The following SLC9A8 variants were observed in gnomAD, a reference collection of about 807,000 sequenced individuals.
The protein encoded by SLC9A8 is sodium/hydrogen exchanger 8.
A neutral mutation model predicts 66.6 loss-of-function variants in SLC9A8; 48 were observed. That is an observed-to-expected ratio of 0.72 (90% CI 0.57 to 0.92). The LOEUF is 0.92. Ranked by LOEUF, SLC9A8 falls within the 40% of genes least tolerant of loss-of-function variation. The probability of loss-of-function intolerance (pLI) is 0.00; values close to 1 mark genes in which losing one functional copy is unlikely to be tolerated. For synonymous variants in SLC9A8, 274 were observed against 282.6 expected (o/e 0.97, Z 0.31); for missense variants, 599 against 747.3 (o/e 0.80, Z 2.31).
intron 6 of SLC9A8, 28 bp from the exon 7 acceptor site, chr20:49,850,782 C>G (rs371283260): frequency 6.2e-7 from 1 of 1,605,472 alleles, no homozygotes; most frequent in Non-Finnish European, 8.5e-7. Flanking sequence ...TTGTGTGTGT[C>G]TGTGTGTTTG....
At chr20:49,817,019 C>T (rs1027341014) in intron 2 of SLC9A8, among the ~76,000 whole-genome samples, 5 of 151,728 alleles carry the variant, frequency 3.3e-5, no homozygotes, top group East Asian at 2.0e-4. Flanking sequence ...TGAGCCACCA[C>T]GCCCAGCCAA....
intron 3 of SLC9A8, among the ~76,000 whole-genome samples, chr20:49,833,118 C>T (rs1293268748): frequency 3.9e-5 from 6 of 152,140 alleles, no homozygotes. Context: ...GTTGGCCAGG[C>T]TGGTCTCGAA....
intron 8 of SLC9A8, among the ~76,000 whole-genome samples, chr20:49,860,601 G>C (rs1030479674): frequency 3.3e-5 from 5 of 152,060 alleles, no homozygotes; most frequent in Non-Finnish European, 5.9e-5. Context: ...CGCATCTGTA[G>C]TCCCAGCTAC....
intron 3 of SLC9A8, among the ~76,000 whole-genome samples, chr20:49,834,452 G>GTATATATATATATATAC (rs1194189186): frequency 1.5e-5 from 1 of 68,546 alleles, no homozygotes; most frequent in Non-Finnish European, 3.2e-5. Flanking sequence ...TATATATACT[G>GTATATATATATATATAC]TATATATATA....
intron 7 of SLC9A8, among the ~76,000 whole-genome samples, chr20:49,852,715 C>CCTCT (rs1264664264): frequency 6.6e-6 from 1 of 152,166 alleles, no homozygotes; most frequent in East Asian, 1.9e-4. Flanking sequence ...TCCATACAGA[C>CCTCT]CTCTCAATGA....
chr20:49,855,159 C>G (rs1347169547), intron 7 of SLC9A8, among the ~76,000 whole-genome samples: 1 of 152,202 alleles, frequency 6.6e-6, no homozygotes, highest in Non-Finnish European at 1.5e-5. Context: ...ATAAATATAT[C>G]TAAGCAAAAG....
intron 2 of SLC9A8, among the ~76,000 whole-genome samples, chr20:49,820,096 A>G (rs908976626): frequency 7.2e-5 from 11 of 152,176 alleles, no homozygotes; most frequent in Non-Finnish European, 1.5e-4. Flanking sequence ...TGTATGTTTA[A>G]CTTTCTCAGA....
chr20:49,882,166 A>G (rs2089649543), intron 13 of SLC9A8, among the ~76,000 whole-genome samples: 1 of 151,994 alleles, frequency 6.6e-6, no homozygotes, highest in African/African-American at 2.4e-5. Flanking sequence ...GTTCCTCCTC[A>G]TGTCCCCCGC....
At chr20:49,876,761 A>T (rs972950943) in intron 11 of SLC9A8, among the ~76,000 whole-genome samples, 6 of 152,194 alleles carry the variant, frequency 3.9e-5, no homozygotes, top group African/African-American at 1.2e-4. Context: ...ACCGTGATGT[A>T]TCCAGATCCT....
chr20:49,862,816 T>G, intron 8 of SLC9A8, 113 bp from the exon 9 acceptor site: 1 of 730,476 alleles, frequency 1.4e-6, no homozygotes, highest in Non-Finnish European at 2.0e-6. Context: ...GAATGAATGA[T>G]GGTATGAATG....
At chr20:49,863,096 G>A (rs1236140795) in intron 9 of SLC9A8, 29 bp downstream of exon 9, 1 of 1,568,988 alleles carries the variant, frequency 6.4e-7, no homozygotes. Context: ...GAACATGCAG[G>A]GTTAAAATTA....
At position 49,872,385 on chromosome 20, in the gene SLC9A8, A is replaced by ATT. The variant is rs1245663268; in HGVS notation, c.959-2317_959-2316dup. Among the ~76,000 whole-genome samples the ATT allele has an allele frequency of 3.9e-5, 6 of 151,936 alleles. No individual in the cohort carries two copies. In the South Asian group the frequency reaches 1.0e-3, roughly 26 times the overall value. On this transcript the variant is annotated intron_variant, in intron 10 of 15. Coordinates refer to ENST00000361573, the MANE Select transcript of SLC9A8 (RefSeq NM_015266.3). ...CAATACAAAAAAGTAGGTTTCCTAT[A>ATT]TTTTGTAGGGTATTGTGTTACAGTA...
At chr20:49,831,088 C>T (rs183500474) in intron 3 of SLC9A8, 45 of 648,598 alleles carry the variant, frequency 6.9e-5, no homozygotes, top group African/African-American at 6.9e-4. Flanking sequence ...TACACTAAGC[C>T]GTCGGACCCC....
intron 11 of SLC9A8, among the ~76,000 whole-genome samples, chr20:49,877,007 G>A (rs1247043182): frequency 1.3e-5 from 2 of 151,990 alleles, no homozygotes; most frequent in African/African-American, 4.8e-5. Context: ...ACAGTTTTAG[G>A]CCAGGCGCGG....
chr20:49,840,758 G>A (rs918361671), intron 4 of SLC9A8, among the ~76,000 whole-genome samples: 1 of 152,016 alleles, frequency 6.6e-6, no homozygotes, highest in African/African-American at 2.4e-5. Flanking sequence ...CTACTCCTAG[G>A]CTGGATATAG....
chr20:49,867,315 T>C (rs2089015445), intron 10 of SLC9A8, among the ~76,000 whole-genome samples: 1 of 152,208 alleles, frequency 6.6e-6, no homozygotes, highest in Non-Finnish European at 1.5e-5. Flanking sequence ...CTAAGTCTCT[T>C]GACATCAGTT....
At chr20:49,883,782 G>A in intron 13 of SLC9A8, 64 bp from the exon 14 acceptor site, 1 of 1,378,864 alleles carries the variant, frequency 7.3e-7, no homozygotes, top group Middle Eastern at 2.0e-4. Context: ...GATTTCCAGG[G>A]AAGCCAGCCC....
intron 7 of SLC9A8, among the ~76,000 whole-genome samples, chr20:49,854,025 A>G (rs958182895): frequency 1.3e-5 from 2 of 152,094 alleles, no homozygotes; most frequent in Non-Finnish European, 2.9e-5. Flanking sequence ...TTTTCCCCCT[A>G]GACCCAGGCT....
At chr20:49,821,736 A>G (rs780236929) in intron 2 of SLC9A8, among the ~76,000 whole-genome samples, 2 of 152,216 alleles carry the variant, frequency 1.3e-5, no homozygotes, top group Non-Finnish European at 2.9e-5. Context: ...AGGAAATTAC[A>G]TTCAGGAATA....
Sources: allele counts gnomAD v4.1 joint callset (sites outside exome capture counted in the v4.1 genomes callset), GRCh38; gene constraint gnomAD v4.1.1; transcripts MANE v1.5; gene names NCBI Gene and HGNC (gene_info 2026-07-23, HGNC 2026-07-21).